TBX15: variants seen among roughly 807,000 people sequenced by gnomAD.
TBX15 encodes T-box transcription factor 15, also known as T-box transcription factor TBX15.
TBX15 carries 18 observed loss-of-function variants against 53.9 expected under a neutral mutation model. The observed-to-expected ratio is 0.33, with a 90% CI of 0.23 to 0.49. The LOEUF (loss-of-function observed/expected upper bound fraction) is 0.49, where lower values mean the gene tolerates loss of function less well. TBX15 is among the 20% of genes least tolerant of loss of function. TBX15 has a pLI of 0.98. For synonymous variants in TBX15, 295 were observed against 278.0 expected, an observed-to-expected ratio of 1.06 and a Z score of -0.61; for missense variants, 692 against 749.5, an observed-to-expected ratio of 0.92 and a Z score of 0.90.
chr1:118,898,244 T>C lies in TBX15; in HGVS notation c.1024+784A>G, dbSNP rs570359836. 3.9e-4 allele frequency among the ~76,000 whole-genome samples: 60 copies of C among 152,264 alleles called. 1 individual carries two copies. The highest frequency in any genetic ancestry group is 3.9e-3 in the Admixed American group (59 of 15,294). On this transcript the variant is annotated intron_variant, in intron 7 of 7. Transcript: ENST00000369429. ...TAATCACTACACTCATCTTAAAACC[T>C]GACAGATTTCAGCAATTTAGGTTAC...
chr1:118,966,796 T>C (rs536687627), intron 1 of TBX15, among the ~76,000 whole-genome samples: 15 of 152,326 alleles, frequency 9.8e-5, no homozygotes, highest in Admixed American at 3.9e-4. Context: ...AATAAAATTG[T>C]CAACATGATT....
At chr1:118,953,797 A>G (rs570698140) in intron 1 of TBX15, among the ~76,000 whole-genome samples, 1 of 152,302 alleles carries the variant, frequency 6.6e-6, no homozygotes, top group South Asian at 2.1e-4. Context: ...TTTGCCCCCT[A>G]CAAAGGTAGA....
intron 6 of TBX15, among the ~76,000 whole-genome samples, chr1:118,911,032 G>T (rs186849000): frequency 1.6e-4 from 24 of 152,276 alleles, no homozygotes; most frequent in Middle Eastern, 3.4e-3. Flanking sequence ...TTTAGAGTTA[G>T]AATTCTGTTC....
chr1:118,927,614 C>T (rs759968727), intron 2 of TBX15, among the ~76,000 whole-genome samples: 2 of 152,140 alleles, frequency 1.3e-5, no homozygotes. Flanking sequence ...AATGAATTCT[C>T]GTGGCCTCTG....
intron 1 of TBX15, among the ~76,000 whole-genome samples, chr1:118,951,592 C>G (rs1371682732): frequency 2.6e-5 from 4 of 152,206 alleles, no homozygotes; most frequent in Non-Finnish European, 5.9e-5. Context: ...TAAAGGTCAC[C>G]TGCTGCAACC....
At position 118,883,819 on chromosome 1, in the gene TBX15, T is replaced by A. The variant is rs1199500174; in HGVS notation, c.*913A>T. On this transcript the variant is annotated 3_prime_UTR_variant, in exon 8 of 8. Coordinates refer to ENST00000369429, the MANE Select transcript of TBX15 (RefSeq NM_001330677.2). ...ACTCCTCAGTAATGCCATGATTCTT[T>A]CCATAACCTGTAGTGGGGCGGGCGG... is the stretch of plus-strand genomic sequence containing the variant. The A allele has an allele frequency of 7.8e-6, 1 of 128,132 alleles. No individual in the cohort carries two copies. Among genetic ancestry groups the A allele is most frequent in the East Asian group, 2.8e-4 (1 of 3,596 alleles). The allele number at this position is 128,132 out of a possible 1,614,324, so 7.9% of individuals were successfully genotyped here.
chr1:118,898,895 C>G lies in TBX15; in HGVS notation c.1024+133G>C. The G allele has an allele frequency of 4.4e-6, 4 of 916,358 alleles. No homozygotes were observed. In the South Asian group the frequency reaches 5.8e-5, roughly 13 times the overall value. 56.8% of individuals were successfully genotyped at this position (916,358 alleles called of 1,614,324 possible). ...GATGCTTTGGTTATTTACAGAGCTCCTGAGTTCTCTTCATTCCAGGAGAAT... is the reference window on the plus strand; with the variant it reads ...GATGCTTTGGTTATTTACAGAGCTCGTGAGTTCTCTTCATTCCAGGAGAAT... On this transcript the variant is annotated intron_variant, in intron 7 of 7. Coordinates refer to ENST00000369429, the MANE Select transcript of TBX15 (RefSeq NM_001330677.2).
chr1:118,938,667 CT>C (rs1423090816), intron 1 of TBX15, among the ~76,000 whole-genome samples: 1 of 152,154 alleles, frequency 6.6e-6, no homozygotes, highest in Non-Finnish European at 1.5e-5. Flanking sequence ...CATTTGTTTT[CT>C]TCTCTTTCTA....
At chr1:118,977,694 G>A in intron 1 of TBX15, among the ~76,000 whole-genome samples, 1 of 152,174 alleles carries the variant, frequency 6.6e-6, no homozygotes, top group East Asian at 1.9e-4. Context: ...TGTATGCTGG[G>A]CACAGTTTTG....
intron 6 of TBX15, chr1:118,901,260 T>C (rs1307079830): frequency 4.5e-6 from 2 of 440,144 alleles, no homozygotes; most frequent in Admixed American, 2.4e-5. Context: ...TGCTGAGTCA[T>C]ACATGGTGAA....
chr1:118,964,810 G>T (rs1189966135), intron 1 of TBX15, among the ~76,000 whole-genome samples: 1 of 152,198 alleles, frequency 6.6e-6, no homozygotes, highest in East Asian at 1.9e-4. Flanking sequence ...TAGCCAGCTG[G>T]AGTCATGGTT....
intron 1 of TBX15, among the ~76,000 whole-genome samples, chr1:118,950,938 C>T (rs1656494357): frequency 6.6e-6 from 1 of 152,222 alleles, no homozygotes; most frequent in South Asian, 2.1e-4. Flanking sequence ...AAAAGTCCAA[C>T]ATGCCACTGT....
intron 1 of TBX15, among the ~76,000 whole-genome samples, chr1:118,983,955 T>A (rs1657732196): frequency 6.6e-6 from 1 of 152,252 alleles, no homozygotes; most frequent in Non-Finnish European, 1.5e-5. Context: ...GTTCACCCTG[T>A]TACCCTATTG....
rs1207824772 is a variant in TBX15, at chr1:118,883,356, GAAGGGA to G, written c.*1370_*1375del. On this transcript the variant is annotated 3_prime_UTR_variant, in exon 8 of 8. Coordinates refer to ENST00000369429, the MANE Select transcript of TBX15 (RefSeq NM_001330677.2). ...TTGCTTTCTTACCATTAAAAGATTTGAAGGGAAAGGGAAAGATGAAGGACAAAACCC... is the reference window on the plus strand; with the variant it reads ...TTGCTTTCTTACCATTAAAAGATTTGAAGGGAAAGATGAAGGACAAAACCC... 1.3e-5 allele frequency: 2 copies of G among 152,538 alleles called. No homozygotes were observed. The highest frequency in any genetic ancestry group is 1.3e-4 in the Admixed American group (2 of 15,262). 9.4% of individuals were successfully genotyped at this position (152,538 alleles called of 1,614,324 possible). A position where few individuals can be genotyped will look rare whatever the true frequency, so the allele number is the denominator to read the frequency against.
chr1:118,988,010 T>C lies in TBX15; in HGVS notation c.-215A>G. 1 of 640,018 alleles carries C rather than the reference T, an allele frequency of 1.6e-6. No homozygotes were observed. The highest frequency in any genetic ancestry group is 2.6e-6 in the Non-Finnish European group (1 of 379,920). The allele number at this position is 640,018 out of a possible 1,614,324, so 39.6% of individuals were successfully genotyped here. On this transcript the variant is annotated 5_prime_UTR_variant, in exon 1 of 8. Coordinates refer to ENST00000369429, the MANE Select transcript of TBX15 (RefSeq NM_001330677.2). ...ACCTGCGCCCCTACGCTGGCCCAGC[T>C]GCTAGGAACTAGCGCCCCGAGCGCC...
chr1:118,955,584 C>A (rs6662475), intron 1 of TBX15, among the ~76,000 whole-genome samples: 2 of 151,844 alleles, frequency 1.3e-5, no homozygotes, highest in African/African-American at 2.4e-5. Context: ...TGCTTTTCTG[C>A]GAGTCAAGAC....
chr1:118,984,522 A>T lies in TBX15; in HGVS notation c.205+3069T>A, dbSNP rs1044753093. Among the ~76,000 whole-genome samples the T allele has an allele frequency of 2.7e-5, 4 of 150,388 alleles. No homozygotes were observed. In the East Asian group the frequency reaches 7.7e-4, roughly 29 times the overall value. ...TATACTTGCAAGGCCGCAGCAATAT[A>T]CTTGCAAGGCCGCAGCCGGAGCAGC... On this transcript the variant is annotated intron_variant, in intron 1 of 7. Coordinates refer to ENST00000369429, the MANE Select transcript of TBX15 (RefSeq NM_001330677.2).
intron 7 of TBX15, among the ~76,000 whole-genome samples, chr1:118,896,434 A>G (rs1029633774): frequency 1.3e-5 from 2 of 152,208 alleles, no homozygotes. Flanking sequence ...CAGCCAAGGC[A>G]GGATGAAAAA....
intron 1 of TBX15, among the ~76,000 whole-genome samples, chr1:118,983,716 G>T (rs890674268): frequency 3.3e-5 from 5 of 152,188 alleles, no homozygotes; most frequent in Non-Finnish European, 5.9e-5. Context: ...GCAGGGGCGT[G>T]CACGGCAGAG....
Sources: gnomAD v4.1 joint callset for allele counts (sites outside exome capture counted in the v4.1 genomes callset) on GRCh38, gnomAD v4.1.1 for gene constraint, MANE v1.5 for transcripts, NCBI Gene and HGNC (gene_info 2026-07-23, HGNC 2026-07-21) for gene names.